The following UBQLN1 variants were observed in gnomAD, a reference collection of about 807,000 sequenced individuals.
UBQLN1 encodes ubiquilin-1.
A neutral mutation model predicts 65.4 loss-of-function variants in UBQLN1; 13 were observed. The observed-to-expected ratio is 0.20, with a 90% confidence interval of 0.13 to 0.32. The LOEUF is 0.32. Among genes scored for constraint, UBQLN1 ranks in the 10% least tolerant of loss-of-function variants. UBQLN1 has a pLI of 1.00. For synonymous variants in UBQLN1, 267 were observed against 247.8 expected (o/e 1.08, Z -0.73); for missense variants, 561 against 724.0 (o/e 0.77, Z 2.58).
intron 2 of UBQLN1, 75 bp downstream of exon 2, chr9:83,685,929 A>G: frequency 7.8e-7 from 1 of 1,289,072 alleles, no homozygotes; most frequent in Non-Finnish European, 1.1e-6. Context: ...AGTAATTTAC[A>G]GCCAACACTA....
intron 1 of UBQLN1, 132 bp from the exon 2 acceptor site, chr9:83,686,287 G>A: frequency 1.6e-6 from 1 of 610,460 alleles, no homozygotes; most frequent in Non-Finnish European, 2.6e-6. Flanking sequence ...AATGTTCCAG[G>A]AGGCTGAGGC....
intron 1 of UBQLN1, among the ~76,000 whole-genome samples, chr9:83,686,386 C>T (rs997576874): frequency 1.3e-5 from 2 of 151,966 alleles, no homozygotes; most frequent in Non-Finnish European, 2.9e-5. Context: ...AGTGATATCC[C>T]GCCTCTAAAA....
At chr9:83,667,401 G>T in intron 7 of UBQLN1, 1 of 658,956 alleles carries the variant, frequency 1.5e-6, no homozygotes, top group Non-Finnish European at 1.9e-6. Flanking sequence ...GAAGTTAACC[G>T]TATTTAAGAG....
rs1459957858 is a variant in UBQLN1 at position 83,660,709 on chromosome 9, A to C, written c.*1078T>G. ...CTTTCTCTGAGGCTCTGAAAAGCAC[A>C]ATATTTAACTATTTCTTAATAGAAC... On this transcript the variant is annotated 3_prime_UTR_variant, in exon 11 of 11. Transcript: ENST00000376395. The C allele has an allele frequency of 1.5e-5, 2 of 134,522 alleles. No individual in the cohort carries two copies. Among genetic ancestry groups the C allele is most frequent in the African/African-American group, 2.8e-5 (1 of 35,584 alleles). The allele number at this position is 134,522 out of a possible 1,614,324, so 8.3% of individuals were successfully genotyped here.
intron 7 of UBQLN1, chr9:83,668,569 C>T (rs1831680049): frequency 1.0e-6 from 1 of 985,484 alleles, no homozygotes; most frequent in African/African-American, 1.7e-5. Flanking sequence ...GTCTATAAAG[C>T]TTCCCAAGTG....
In UBQLN1 at chr9:83,686,042, A is replaced by G; in HGVS notation, c.294T>C (p.Asp98=). ...TAATGACAAGGTGAACAGTAAGTCCATCATGAATTCCATGCTGACTCAAGG... is the reference window on the plus strand; with the variant it reads ...TAATGACAAGGTGAACAGTAAGTCCGTCATGAATTCCATGCTGACTCAAGG... ...QDTLSQHGIH[D]GLTVHLVIKT... is the part of the protein sequence containing the mutation. The change falls in exon 2 of 11, where the codon GAT becomes GAC. Residue 98 remains aspartate (D), a synonymous_variant. Coordinates refer to ENST00000376395, the MANE Select transcript of UBQLN1 (RefSeq NM_013438.5). 6.2e-7 allele frequency: 1 copy of G among 1,608,234 alleles called. No individual in the cohort carries two copies. Among genetic ancestry groups the G allele is most frequent in the South Asian group, 1.1e-5 (1 of 90,126 alleles).
chr9:83,678,650 A>G (rs548873566), intron 4 of UBQLN1, 51 bp from the exon 5 acceptor site: 2 of 1,529,042 alleles, frequency 1.3e-6, no homozygotes, highest in South Asian at 1.2e-5. Flanking sequence ...TGAAATACAC[A>G]TGAATTACAT....
At chr9:83,685,953 G>A (rs755636055) in intron 2 of UBQLN1, 51 bp downstream of exon 2, 22 of 1,502,252 alleles carry the variant, frequency 1.5e-5, no homozygotes, top group Middle Eastern at 1.7e-4. Context: ...ACTTTTAGAA[G>A]TACGAACATT....
In UBQLN1 at chr9:83,683,035, T is replaced by G. The variant is rs1564166719; in HGVS notation, c.364A>C (p.Thr122Pro). The G allele has an allele frequency of 6.2e-7, 1 of 1,612,014 alleles. No individual in the cohort carries two copies. The change falls in exon 3 of 11, where the codon ACA becomes CCA. Residue 122 changes from threonine to proline, a missense_variant. By Grantham distance (38) the Thr-to-Pro change is conservative. Transcript: ENST00000376395. ...PQDHSAQQTN[T>P]AGSNVTTSST... is the part of the protein sequence containing the mutation. ...GATGTAGTAACATTGCTTCCAGCTG[T>G]ATTTGTTTGCTGAGCTGAATGATCC...
chr9:83,694,324 T>A (rs1832174412), intron 1 of UBQLN1, among the ~76,000 whole-genome samples: 1 of 152,306 alleles, frequency 6.6e-6, no homozygotes, highest in African/African-American at 2.4e-5. Context: ...AAGGCAGAGA[T>A]CCTTCAAGAG....
At chr9:83,678,173 CA>C (rs992510215) in intron 5 of UBQLN1, among the ~76,000 whole-genome samples, 37 of 152,130 alleles carry the variant, frequency 2.4e-4, no homozygotes, top group African/African-American at 8.7e-4. Context: ...AGGCGCCCAC[CA>C]CCACGCCCAG....
intron 1 of UBQLN1, among the ~76,000 whole-genome samples, chr9:83,686,393 A>C (rs1832040766): frequency 6.6e-6 from 1 of 152,172 alleles, no homozygotes; most frequent in Non-Finnish European, 1.5e-5. Context: ...TCCCGCCTCT[A>C]AAAACAAAAC....
chr9:83,706,291 T>C (rs1407889564), intron 1 of UBQLN1, among the ~76,000 whole-genome samples: 1 of 152,234 alleles, frequency 6.6e-6, no homozygotes, highest in South Asian at 2.1e-4. Context: ...TAATTGTAGA[T>C]GATGGACATA....
chr9:83,678,385 A>G (rs1380973960), intron 5 of UBQLN1, 56 bp downstream of exon 5: 2 of 1,550,868 alleles, frequency 1.3e-6, no homozygotes, highest in Non-Finnish European at 1.7e-6. Flanking sequence ...TCATACACAT[A>G]TTTGTGTTAA....
At chr9:83,693,881 C>G (rs1321755904) in intron 1 of UBQLN1, among the ~76,000 whole-genome samples, 1 of 152,174 alleles carries the variant, frequency 6.6e-6, no homozygotes, top group African/African-American at 2.4e-5. Flanking sequence ...GCCTTGGTTT[C>G]TTCATCAGGA....
At chr9:83,662,788 A>G (rs547157716) in intron 10 of UBQLN1, among the ~76,000 whole-genome samples, 25 of 152,234 alleles carry the variant, frequency 1.6e-4, no homozygotes, top group Non-Finnish European at 2.4e-4. Flanking sequence ...TAAGGCTTGA[A>G]AACAGAAAGC....
chr9:83,668,980 C>T (rs538768406), intron 7 of UBQLN1: 9 of 517,776 alleles, frequency 1.7e-5, no homozygotes, highest in Non-Finnish European at 2.5e-5. Flanking sequence ...CAATGAATGG[C>T]AGAGATAAAG....
chr9:83,687,307 A>C (rs879644170), intron 1 of UBQLN1, among the ~76,000 whole-genome samples: 1 of 152,258 alleles, frequency 6.6e-6, no homozygotes, highest in African/African-American at 2.4e-5. Flanking sequence ...TGCTATAAAG[A>C]AACACTTACT....
chr9:83,697,216 A>G (rs1832230463), intron 1 of UBQLN1, among the ~76,000 whole-genome samples: 1 of 149,842 alleles, frequency 6.7e-6, no homozygotes. Context: ...ATTTGATCAC[A>G]TTATTAATAT....
Sources: allele counts gnomAD v4.1 joint callset (sites outside exome capture counted in the v4.1 genomes callset), GRCh38; gene constraint gnomAD v4.1.1; transcripts MANE v1.5; gene names NCBI Gene and HGNC (gene_info 2026-07-23, HGNC 2026-07-21).